ROGDI: variants seen among roughly 807,000 people sequenced by gnomAD.
The protein encoded by ROGDI is protein rogdi homolog.
In ROGDI, 46 loss-of-function variants were observed where a neutral mutation model predicts 43.1. The ratio of observed to expected loss-of-function variants is 1.07; its 90% confidence interval spans 0.84 to 1.37. ROGDI has a LOEUF of 1.37. Ranked by LOEUF, ROGDI falls within the 40% of genes most tolerant of loss-of-function variation. The pLI is 0.00. For synonymous variants in ROGDI, 243 were observed against 162.0 expected (o/e 1.50, Z -3.80); for missense variants, 518 against 383.9 (o/e 1.35, Z -2.92).
chr16:4,801,072 T>A (rs1288571985), intron 4 of ROGDI, 195 bp downstream of exon 4: 1 of 550,892 alleles, frequency 1.8e-6, no homozygotes, highest in Non-Finnish European at 3.2e-6. Flanking sequence ...ACCCCTCTCC[T>A]GCACCTCTTA....
At chr16:4,798,756 G>T (rs1263647467) in intron 6 of ROGDI, 89 bp from the exon 7 acceptor site, 16 of 1,088,660 alleles carry the variant, frequency 1.5e-5, no homozygotes, top group Non-Finnish European at 1.9e-5. Context: ...CTCCCACCCA[G>T]CCCAGTGGCT....
chr16:4,801,204 A>C, intron 4 of ROGDI, 63 bp downstream of exon 4: 2 of 1,391,636 alleles, frequency 1.4e-6, no homozygotes, highest in East Asian at 4.6e-5. Context: ...ACAGAGAGAA[A>C]GTGGGAGCTC....
In ROGDI at chr16:4,798,512, A is replaced by C. The variant is rs1158807981; in HGVS notation, c.531+57T>G. ...CCCCTCCGCGTCCATCCTGAGGGCA[A>C]GCTGGGACCCACTGTGGGACCCCTC... On this transcript the variant is annotated intron_variant, in intron 7 of 10. Transcript: ENST00000322048. The C allele has an allele frequency of 4.4e-6, 6 of 1,372,868 alleles. No individual in the cohort carries two copies. In the Admixed American group the frequency reaches 9.6e-5, roughly 22 times the overall value. 85.0% of individuals were successfully genotyped at this position (1,372,868 alleles called of 1,614,324 possible).
In ROGDI at chr16:4,797,262, C is replaced by T. The variant is rs1385215559; in HGVS notation, c.*198G>A. ...CTTGGCCCCGCCTCCCTGACCTCCCCACTACCCCACCAAACCAGCCTTCCT... is the reference window on the plus strand; with the variant it reads ...CTTGGCCCCGCCTCCCTGACCTCCCTACTACCCCACCAAACCAGCCTTCCT... On this transcript the variant is annotated 3_prime_UTR_variant, in exon 11 of 11. Transcript: ENST00000322048. 1 of 581,514 alleles carries T rather than the reference C, an allele frequency of 1.7e-6. No homozygotes were observed. The highest frequency in any genetic ancestry group is 2.1e-5 in the South Asian group (1 of 48,190). The allele number at this position is 581,514 out of a possible 1,614,324, so 36.0% of individuals were successfully genotyped here.
rs201283169 is a variant in ROGDI, at chr16:4,797,515, G to C, written c.823-14C>G. The C allele has an allele frequency of 4.8e-5, 71 of 1,474,102 alleles. 1 individual carries two copies. In the African/African-American group the frequency reaches 9.1e-4, roughly 19 times the overall value. The allele number at this position is 1,474,102 out of a possible 1,614,324, so 91.3% of individuals were successfully genotyped here. ...GAACACGGAGATCTGCAAGGGGAGA[G>C]GGTGCTGTAGGTTGCTGAAGGGGGA... On this transcript the variant is annotated splice_polypyrimidine_tract_variant and intron_variant, in intron 10 of 10. Coordinates refer to ENST00000322048, the MANE Select transcript of ROGDI (RefSeq NM_024589.3).
intron 2 of ROGDI, 39 bp downstream of exon 2, chr16:4,802,342 AG>A: frequency 6.6e-7 from 1 of 1,512,938 alleles, no homozygotes; most frequent in Non-Finnish European, 8.9e-7. Context: ...ATGAGGAGGG[AG>A]GGCCGCCACG....
chr16:4,798,040 G>A (rs1189904447), intron 8 of ROGDI, 31 bp downstream of exon 8: 1 of 1,613,482 alleles, frequency 6.2e-7, no homozygotes, highest in African/African-American at 1.3e-5. Context: ...GTGCATGGCG[G>A]GCAGTGGGCC....
In ROGDI at chr16:4,802,439, G is replaced by A. The variant is rs1324673983; in HGVS notation, c.60C>T (p.Arg20=). ...AERAVLEEEF[R]WLLHDEVHAV... is the part of the protein sequence containing the mutation. ...CGTGCACCTCGTCGTGCAGCAGCCA[G>A]CGGAACTCCTCCTCCTGCGGGACAG... The change falls in exon 2 of 11, where the codon CGC becomes CGT. Residue 20 remains arginine (R), a synonymous_variant. Transcript: ENST00000322048. 1.4e-6 allele frequency: 2 copies of A among 1,457,002 alleles called. No homozygotes were observed. Among genetic ancestry groups the A allele is most frequent in the Admixed American group, 2.6e-5 (1 of 38,290 alleles). The allele number at this position is 1,457,002 out of a possible 1,614,324, so 90.3% of individuals were successfully genotyped here. A position where few individuals can be genotyped will look rare whatever the true frequency, so the allele number is the denominator to read the frequency against.
At chr16:4,800,054 G>A (rs186820558) in intron 5 of ROGDI, among the ~76,000 whole-genome samples, 2 of 152,302 alleles carry the variant, frequency 1.3e-5, no homozygotes, top group South Asian at 2.1e-4. Flanking sequence ...GAAGCAAACA[G>A]GGCGACAAGG....
intron 5 of ROGDI, 26 bp from the exon 6 acceptor site, chr16:4,799,807 G>C: frequency 6.4e-7 from 1 of 1,554,862 alleles, no homozygotes; most frequent in Non-Finnish European, 8.9e-7. Context: ...ATCCAGAGGG[G>C]TCACGCCAGC....
At chr16:4,799,423 G>A (rs1007750728) in intron 6 of ROGDI, among the ~76,000 whole-genome samples, 2 of 152,156 alleles carry the variant, frequency 1.3e-5, no homozygotes, top group Non-Finnish European at 2.9e-5. Context: ...GTGCCACGCG[G>A]TTAATGTGAA....
Position 4,802,174 on chromosome 16 carries a change from T to G in ROGDI, c.117+208A>C, listed in dbSNP as rs557146424. 8.1e-5 allele frequency: 53 copies of G among 650,728 alleles called. No homozygotes were observed. In the African/African-American group the frequency reaches 8.4e-4, roughly 10 times the overall value. 40.3% of individuals were successfully genotyped at this position (650,728 alleles called of 1,614,324 possible). The stretch of plus-strand genomic sequence containing the variant: ...GGCCGGGCGGGACTCAGGCCCTTGC[T>G]AGCACCCTCGTCGGGACCCGCCCCT... On this transcript the variant is annotated intron_variant, in intron 2 of 10. Transcript: ENST00000322048.
chr16:4,797,414 AG>A lies in ROGDI; in HGVS notation c.*45del. 6.3e-7 allele frequency: 1 copy of A among 1,581,752 alleles called. No homozygotes were observed. The highest frequency in any genetic ancestry group is 8.6e-7 in the Non-Finnish European group (1 of 1,158,604). On this transcript the variant is annotated 3_prime_UTR_variant, in exon 11 of 11. Coordinates refer to ENST00000322048, the MANE Select transcript of ROGDI (RefSeq NM_024589.3). ...CTGGTGCTCTGTGGTGGGTATGAGT[AG>A]GGGACGGGGCCGCCTTCCTGGAGAC...
intron 6 of ROGDI, 30 bp from the exon 7 acceptor site, chr16:4,798,697 T>C: frequency 1.3e-6 from 2 of 1,494,662 alleles, no homozygotes; most frequent in Non-Finnish European, 1.8e-6. Flanking sequence ...TGGCTCTGCG[T>C]CCTCCCGTGT....
rs367877060 is a variant in ROGDI, at chr16:4,797,421, G to A, written c.*39C>T. On this transcript the variant is annotated 3_prime_UTR_variant, in exon 11 of 11. Coordinates refer to ENST00000322048, the MANE Select transcript of ROGDI (RefSeq NM_024589.3). Reference sequence around the variant, plus strand: ...TCTGTGGTGGGTATGAGTAGGGGACGGGGCCGCCTTCCTGGAGACAAGCTC... The same window carrying A: ...TCTGTGGTGGGTATGAGTAGGGGACAGGGCCGCCTTCCTGGAGACAAGCTC... The A allele has an allele frequency of 1.3e-5, 20 of 1,597,390 alleles. No individual in the cohort carries two copies. The highest frequency in any genetic ancestry group is 3.4e-4 in the Middle Eastern group (2 of 5,910).
Position 4,801,156 on chromosome 16 carries a change from G to A in ROGDI, c.255+111C>T, listed in dbSNP as rs183462286. 1.6e-3 allele frequency: 1,314 copies of A among 845,878 alleles called. 19 individuals are homozygous for A. In the Middle Eastern group the frequency reaches 0.028, roughly 18 times the overall value. The allele number at this position is 845,878 out of a possible 1,614,324, so 52.4% of individuals were successfully genotyped here. A position where few individuals can be genotyped will look rare whatever the true frequency, so the allele number is the denominator to read the frequency against. ...TTTCCAAAGGAGAAAACTGAGGCCA[G>A]AGAGATCAAGGGTCCCGCCCAGAGT... On this transcript the variant is annotated intron_variant, in intron 4 of 10. Transcript: ENST00000322048.
rs1202264132 is a variant in ROGDI, at chr16:4,802,456, G to A, written c.46-3C>T. On this transcript the variant is annotated splice_polypyrimidine_tract_variant and splice_region_variant and intron_variant, in intron 1 of 10. Coordinates refer to ENST00000322048, the MANE Select transcript of ROGDI (RefSeq NM_024589.3). ...AGCAGCCAGCGGAACTCCTCCTCCT[G>A]CGGGACAGACCCGGCGGTCGCGCCC... 11 of 1,367,264 alleles carry A rather than the reference G, an allele frequency of 8.0e-6. No individual in the cohort carries two copies. Among genetic ancestry groups the A allele is most frequent in the Middle Eastern group, 2.3e-4 (1 of 4,396 alleles). 84.7% of individuals were successfully genotyped at this position (1,367,264 alleles called of 1,614,324 possible).
chr16:4,798,950 AG>A (rs1223677032), intron 6 of ROGDI: 41 of 497,046 alleles, frequency 8.2e-5, no homozygotes, highest in African/African-American at 6.9e-4. Flanking sequence ...GGTCAGTCCC[AG>A]GGGCACAGGC....
rs1567605615 is a variant in ROGDI, at chr16:4,802,155, G to GC, written c.117+226dup. On this transcript the variant is annotated intron_variant, in intron 2 of 10. Transcript: ENST00000322048. The stretch of plus-strand genomic sequence containing the variant: ...GCGGCCTTCCCCGACCCGAGGCCGG[G>GC]CGGGACTCAGGCCCTTGCTAGCACC... The GC allele has an allele frequency of 9.2e-6, 6 of 655,354 alleles. No homozygotes were observed. The South Asian group carries it at 9.2e-5, about 10-fold the overall frequency. 40.6% of individuals were successfully genotyped at this position (655,354 alleles called of 1,614,324 possible).
Sources: allele counts gnomAD v4.1 joint callset (sites outside exome capture counted in the v4.1 genomes callset), GRCh38; gene constraint gnomAD v4.1.1; transcripts MANE v1.5; gene names NCBI Gene and HGNC (gene_info 2026-07-23, HGNC 2026-07-21).